Variants in QPCTL observed in about 807,000 individuals in gnomAD.
The protein encoded by QPCTL is glutaminyl-peptide cyclotransferase like.
In QPCTL, 31 loss-of-function variants were observed where a neutral mutation model predicts 34.6. That is an observed-to-expected ratio of 0.90 (90% CI 0.67 to 1.21). The LOEUF (loss-of-function observed/expected upper bound fraction) is 1.21, where lower values mean the gene tolerates loss of function less well. Among genes scored for constraint, QPCTL ranks in the 50% most tolerant of loss-of-function variants. QPCTL has a pLI of 0.00. For missense variants in QPCTL, 474 were observed against 507.8 expected, an observed-to-expected ratio of 0.93 and a Z score of 0.64; for synonymous variants, 223 against 226.9, an observed-to-expected ratio of 0.98 and a Z score of 0.15.
chr19:45,693,293 C>A, intron 1 of QPCTL, 120 bp from the exon 2 acceptor site: 2 of 1,315,418 alleles, frequency 1.5e-6, no homozygotes, highest in Non-Finnish European at 1.0e-6. Context: ...GTCTCCGATG[C>A]TGGAGGCGGC....
At chr19:45,702,045 T>C (rs1967820976) in intron 6 of QPCTL, 131 bp downstream of exon 6, 3 of 671,976 alleles carry the variant, frequency 4.5e-6, no homozygotes, top group Non-Finnish European at 7.7e-6. Context: ...GATTTATTCA[T>C]CTGTAAAATG....
At chr19:45,693,281 A>ATC in intron 1 of QPCTL, 132 bp from the exon 2 acceptor site, 2 of 1,244,442 alleles carry the variant, frequency 1.6e-6, no homozygotes, top group East Asian at 2.4e-5. Context: ...TTTATCCTAG[A>ATC]AGTCTCCGAT....
rs1261096265 is a variant in QPCTL at position 45,698,920 on chromosome 19, T to G, written c.886+20T>G. On this transcript the variant is annotated intron_variant, in intron 5 of 6. Coordinates refer to ENST00000012049, the MANE Select transcript of QPCTL (RefSeq NM_017659.4). ...GCATTGGTAAGGGTGAATGCGGAGG[T>G]GGGCCCCAGCCCACCTGGGGTATGG... The G allele has an allele frequency of 3.1e-5, 49 of 1,605,738 alleles. No individual in the cohort carries two copies. The highest frequency in any genetic ancestry group is 4.1e-5 in the Non-Finnish European group (48 of 1,173,622).
Position 45,698,843 on chromosome 19 carries a change from A to T in QPCTL, c.829A>T (p.Thr277Ser). 1 of 1,613,686 alleles carries T rather than the reference A, an allele frequency of 6.2e-7. No homozygotes were observed. The highest frequency in any genetic ancestry group is 8.5e-7 in the Non-Finnish European group (1 of 1,179,864). The change falls in exon 5 of 7, where the codon ACC (threonine) becomes TCC (serine). Residue 277 changes from threonine to serine, a missense_variant. Physicochemically the swap from Thr to Ser is moderately conservative, Grantham distance 58. Transcript: ENST00000012049. ...LLDLLGAPNPTFYSHFPRTVR... is the reference protein window; with the variant it reads ...LLDLLGAPNPSFYSHFPRTVR... ...TGATCTCCTGGGAGCCCCCAATCCC[A>T]CCTTCTACAGCCACTTCCCTCGCAC... is the stretch of plus-strand genomic sequence containing the variant.
At chr19:45,693,677 G>T in intron 2 of QPCTL, 121 bp downstream of exon 2, 3 of 1,372,896 alleles carry the variant, frequency 2.2e-6, no homozygotes, top group Non-Finnish European at 2.9e-6. Flanking sequence ...GGAGTTAATC[G>T]GACTCTAGAC....
In QPCTL at chr19:45,698,671, G is replaced by A. The variant is rs1306374052; in HGVS notation, c.758G>A (p.Ser253Asn). 1 of 1,614,148 alleles carries A rather than the reference G, an allele frequency of 6.2e-7. No individual in the cohort carries two copies. The highest frequency in any genetic ancestry group is 1.1e-5 in the South Asian group (1 of 91,086). Residue 253 changes from serine (S) to asparagine (N), a missense_variant, in exon 4 of 7, where the codon AGC (serine) becomes AAC (asparagine). Physicochemically the swap from Ser to Asn is conservative, Grantham distance 46. Coordinates refer to ENST00000012049, the MANE Select transcript of QPCTL (RefSeq NM_017659.4). ...LAQLMESIPHSPGPTRIQAIE... is the reference protein window; with the variant it reads ...LAQLMESIPHNPGPTRIQAIE... ...CAGCTCATGGAGTCTATACCTCACA[G>A]CCCCGGCCCCACCAGGATCCAGGCT...
chr19:45,701,941 G>C (rs1258708025), intron 6 of QPCTL, 27 bp downstream of exon 6: 21 of 1,578,092 alleles, frequency 1.3e-5, no homozygotes, highest in Non-Finnish European at 1.7e-5. Flanking sequence ...GGGATGGAGG[G>C]TGGGTGTCCA....
intron 5 of QPCTL, among the ~76,000 whole-genome samples, chr19:45,700,048 C>T (rs981936170): frequency 6.6e-6 from 1 of 151,686 alleles, no homozygotes; most frequent in African/African-American, 2.4e-5. Context: ...CTGCAGTAAG[C>T]TGTGATCACA....
chr19:45,695,882 G>A (rs1483678833), intron 3 of QPCTL, among the ~76,000 whole-genome samples, 164 bp downstream of exon 3: 4 of 144,826 alleles, frequency 2.8e-5, no homozygotes, highest in East Asian at 2.0e-4. Context: ...TTTCGCTCTT[G>A]TTCCCCAGGA....
Position 45,694,843 on chromosome 19 carries a change from C to T in QPCTL, c.352-594C>T, listed in dbSNP as rs150690953. On this transcript the variant is annotated intron_variant, in intron 2 of 6. Coordinates refer to ENST00000012049, the MANE Select transcript of QPCTL (RefSeq NM_017659.4). ...GGGTCATGTATTGGCAGTCCCTCCC[C>T]TAAATGGTTCCTAGAAGAGGGCTTA... Among the ~76,000 whole-genome samples, 442 of 152,272 alleles carry T rather than the reference C, an allele frequency of 2.9e-3. 5 individuals carry two copies. Among genetic ancestry groups the T allele is most frequent in the African/African-American group, 9.8e-3 (407 of 41,564 alleles).
chr19:45,702,247 C>T (rs907772396), intron 6 of QPCTL, among the ~76,000 whole-genome samples: 4 of 151,492 alleles, frequency 2.6e-5, no homozygotes, highest in Non-Finnish European at 4.4e-5. Context: ...GATCCTTGAG[C>T]CCAGGAGTTT....
intron 5 of QPCTL, among the ~76,000 whole-genome samples, chr19:45,700,957 C>CAAAAA (rs773396546): frequency 2.1e-5 from 1 of 46,772 alleles, no homozygotes; most frequent in African/African-American, 7.6e-5. Flanking sequence ...GACTCTGTCT[C>CAAAAA]AAAAAAAAAA....
chr19:45,702,300 A>C (rs1298985797), intron 6 of QPCTL, among the ~76,000 whole-genome samples: 1 of 151,836 alleles, frequency 6.6e-6, no homozygotes, highest in Non-Finnish European at 1.5e-5. Flanking sequence ...GTCTTTACTA[A>C]AAATACAAAA....
At chr19:45,699,179 G>T (rs943951606) in intron 5 of QPCTL, among the ~76,000 whole-genome samples, 5 of 151,738 alleles carry the variant, frequency 3.3e-5, no homozygotes, top group Non-Finnish European at 7.4e-5. Flanking sequence ...GACTACAGGC[G>T]CATGCCACCA....
rs1419960994 is a variant in QPCTL at position 45,698,867 on chromosome 19, A to G, written c.853A>G (p.Thr285Ala). ...CACCTTCTACAGCCACTTCCCTCGCACGGTCCGCTGGTTCCATCGGCTGAG... is the reference window on the plus strand; with the variant it reads ...CACCTTCTACAGCCACTTCCCTCGCGCGGTCCGCTGGTTCCATCGGCTGAG... The part of the protein sequence containing the change: ...NPTFYSHFPR[T>A]VRWFHRLRSI... Residue 285 changes from threonine to alanine, a missense_variant, in exon 5 of 7, where the codon ACG becomes GCG. By Grantham distance (58) the Thr-to-Ala change is moderately conservative (BLOSUM62 0). Transcript: ENST00000012049. 1.2e-6 allele frequency: 2 copies of G among 1,613,896 alleles called. No individual in the cohort carries two copies. The highest frequency in any genetic ancestry group is 2.2e-5 in the South Asian group (2 of 91,054).
intron 2 of QPCTL, 124 bp downstream of exon 2, chr19:45,693,680 C>A: frequency 7.5e-7 from 1 of 1,328,750 alleles, no homozygotes; most frequent in Non-Finnish European, 1.0e-6. Flanking sequence ...GTTAATCGGA[C>A]TCTAGACTCC....
chr19:45,702,019 A>T, intron 6 of QPCTL, 105 bp downstream of exon 6: 1 of 828,270 alleles, frequency 1.2e-6, no homozygotes, highest in Non-Finnish European at 1.9e-6. Flanking sequence ...AAGTGGCCTT[A>T]ACCTCTTTGT....
intron 5 of QPCTL, among the ~76,000 whole-genome samples, chr19:45,701,561 C>T (rs1233074697): frequency 6.6e-6 from 1 of 152,156 alleles, no homozygotes; most frequent in African/African-American, 2.4e-5. Context: ...CAGGCATGAG[C>T]CACCACACCA....
intron 3 of QPCTL, among the ~76,000 whole-genome samples, chr19:45,697,450 A>C (rs528603177): frequency 1.3e-5 from 2 of 152,036 alleles, no homozygotes; most frequent in African/African-American, 4.8e-5. Context: ...GAAAGAAAAA[A>C]AAGAAAAGAA....
Sources: allele counts gnomAD v4.1 joint callset (sites outside exome capture counted in the v4.1 genomes callset), GRCh38; gene constraint gnomAD v4.1.1; transcripts MANE v1.5; gene names NCBI Gene and HGNC (gene_info 2026-07-23, HGNC 2026-07-21).